Variants in H1-8 observed in about 807,000 individuals in gnomAD.
H1-8 encodes the protein H1.8 linker histone, also known as histone H1.8.
In H1-8, 13 loss-of-function variants were observed where a neutral mutation model predicts 19.5. The ratio of observed to expected loss-of-function variants is 0.67; its 90% CI spans 0.43 to 1.06. The LOEUF (loss-of-function observed/expected upper bound fraction) is 1.06, where lower values mean the gene tolerates loss of function less well. Among genes scored for constraint, H1-8 ranks in the 50% least tolerant of loss-of-function variants. The pLI, the probability that H1-8 is intolerant of heterozygous loss-of-function variation, is 0.00. For synonymous variants in H1-8, 193 were observed against 187.6 expected (o/e 1.03, Z -0.24); for missense variants, 432 against 459.8 (o/e 0.94, Z 0.55).
intron 4 of H1-8, 137 bp from the exon 5 acceptor site, chr3:129,550,970 C>A: frequency 1.0e-6 from 1 of 959,890 alleles, no homozygotes; most frequent in Non-Finnish European, 1.6e-6. Context: ...CCCTGGCACC[C>A]TGGGGGTGTT....
At chr3:129,549,426 G>A (rs1560052554) in intron 3 of H1-8, 62 bp downstream of exon 3, 4 of 1,508,930 alleles carry the variant, frequency 2.7e-6, no homozygotes, top group Non-Finnish European at 2.6e-6. Context: ...ACTGGAGCGG[G>A]GGCGGGGAGC....
Position 129,551,118 on chromosome 3 carries a change from T to C in H1-8, c.819T>C (p.Gly273=), listed in dbSNP as rs3736170. The C allele has an allele frequency of 0.017, 26,898 of 1,613,454 alleles. 1,116 individuals are homozygous for C. Among genetic ancestry groups the C allele is most frequent in the African/African-American group, 0.13 (9,685 of 74,946 alleles). Residue 273 remains glycine (G), a synonymous_variant, in exon 5 of 5, where the codon GGT becomes GGC. Transcript: ENST00000324382. ...TTGCTTTCGTATAGGTCAAGAATGG[T>C]GCTGCTTCCCCGACCAAAAAGAAGG... ...SKPTASKVKN[G]AASPTKKKVV...
chr3:129,551,025 ATGT>A (rs1461117600), intron 4 of H1-8, 79 bp from the exon 5 acceptor site: 1 of 1,255,964 alleles, frequency 8.0e-7, no homozygotes, highest in Non-Finnish European at 1.1e-6. Flanking sequence ...TAGAAGGGCG[ATGT>A]TGTGTACCCA....
chr3:129,548,575 G>A lies in H1-8; in HGVS notation c.379-426G>A, dbSNP rs548320373. On this transcript the variant is annotated intron_variant, in intron 2 of 4. Transcript: ENST00000324382. Reference sequence around the variant, plus strand: ...CCCTTCCCTGCCGCTCACAGCCTTGGTGATTGTCCTGCTGTAAAGATGAGA... The same window carrying A: ...CCCTTCCCTGCCGCTCACAGCCTTGATGATTGTCCTGCTGTAAAGATGAGA... 220 of 848,338 alleles carry A rather than the reference G, an allele frequency of 2.6e-4. 1 individual carries two copies. The Middle Eastern group carries it at 7.1e-3, about 28-fold the overall frequency. The allele number at this position is 848,338 out of a possible 1,614,324, so 52.6% of individuals were successfully genotyped here.
Position 129,551,360 on chromosome 3 carries a change from G to C in H1-8, c.*20G>C. On this transcript the variant is annotated 3_prime_UTR_variant, in exon 5 of 5. Coordinates refer to ENST00000324382, the MANE Select transcript of H1-8 (RefSeq NM_153833.3). ...GCTTAGGGCCAGAGGCAGGGGCGGA[G>C]AGAGACCGAGCCTCTGCCCTAGTTT... 1.3e-6 allele frequency: 2 copies of C among 1,520,558 alleles called. No individual in the cohort carries two copies. The highest frequency in any genetic ancestry group is 1.8e-6 in the Non-Finnish European group (2 of 1,105,388). 94.2% of individuals were successfully genotyped at this position (1,520,558 alleles called of 1,614,324 possible).
At chr3:129,547,810 C>G in intron 2 of H1-8, 130 bp downstream of exon 2, 2 of 839,426 alleles carry the variant, frequency 2.4e-6, no homozygotes, top group Non-Finnish European at 3.6e-6. Flanking sequence ...TGGTCTCAGC[C>G]GAGATGCCCT....
chr3:129,548,282 A>T, intron 2 of H1-8: 2 of 970,546 alleles, frequency 2.1e-6, no homozygotes, highest in Non-Finnish European at 2.4e-6. Flanking sequence ...ATGCTGGGGA[A>T]CATTCTCAGC....
intron 1 of H1-8, among the ~76,000 whole-genome samples, chr3:129,545,788 C>T (rs1408627304): frequency 6.6e-6 from 1 of 152,128 alleles, no homozygotes; most frequent in African/African-American, 2.4e-5. Context: ...TAATATTCCA[C>T]GGGATGGGTA....
chr3:129,547,557 C>A lies in H1-8; in HGVS notation c.255C>A (p.Tyr85Ter), dbSNP rs971410905. 6 of 1,575,648 alleles carry A rather than the reference C, an allele frequency of 3.8e-6. No homozygotes were observed. Among genetic ancestry groups the A allele is most frequent in the Non-Finnish European group, 4.3e-6 (5 of 1,160,714 alleles). Residue 85 changes from tyrosine to a stop codon, truncating the protein, a stop_gained, in exon 2 of 5, where the codon TAC becomes TAA. Transcript: ENST00000324382. LOFTEE classifies it high-confidence loss of function. ...AAIKLYILHK[Y>*]PTVDVLRFKY... ...TCAAGCTCTACATCCTGCACAAGTA[C>A]CCAACAGTGGACGTCCTCCGCTTCA...
At position 129,551,420 on chromosome 3, in the gene H1-8, A is replaced by C; in HGVS notation, c.*80A>C. 6 of 840,088 alleles carry C rather than the reference A, an allele frequency of 7.1e-6. No homozygotes were observed. The highest frequency in any genetic ancestry group is 1.1e-5 in the Non-Finnish European group (6 of 535,214). The allele number at this position is 840,088 out of a possible 1,614,324, so 52.0% of individuals were successfully genotyped here. ...AACTAACCACTGCTCTATTTATTTC[A>C]TTGTAAGCTATTTATCAATAAAGAC... On this transcript the variant is annotated 3_prime_UTR_variant, in exon 5 of 5. Transcript: ENST00000324382.
At position 129,548,401 on chromosome 3, in the gene H1-8, C is replaced by T. The variant is rs1560051925; in HGVS notation, c.379-600C>T. Reference sequence around the variant, plus strand: ...GCCTGGACTTGCGTCACAGCAGGACCAGGCGGCTAAGCAGGGAGAAGAGCC... The same window carrying T: ...GCCTGGACTTGCGTCACAGCAGGACTAGGCGGCTAAGCAGGGAGAAGAGCC... On this transcript the variant is annotated intron_variant, in intron 2 of 4. Transcript: ENST00000324382. 2.6e-5 allele frequency: 26 copies of T among 986,692 alleles called. No homozygotes were observed. The South Asian group carries it at 1.0e-3, about 39-fold the overall frequency. 61.1% of individuals were successfully genotyped at this position (986,692 alleles called of 1,614,324 possible). A position where few individuals can be genotyped will look rare whatever the true frequency, so the allele number is the denominator to read the frequency against.
chr3:129,543,339 C>A, intron 1 of H1-8, 33 bp downstream of exon 1: 6 of 1,527,548 alleles, frequency 3.9e-6, no homozygotes, highest in Non-Finnish European at 5.4e-6. Flanking sequence ...TCCCTCATCC[C>A]TGCGAGCCCA....
chr3:129,543,400 C>T, intron 1 of H1-8, 94 bp downstream of exon 1: 4 of 931,696 alleles, frequency 4.3e-6, no homozygotes, highest in Non-Finnish European at 6.8e-6. Context: ...TCTTTCCCAG[C>T]CTGGCCCCAG....
In H1-8 at chr3:129,551,197, G is replaced by A; in HGVS notation, c.898G>A (p.Ala300Thr). ...TGGGCAGGGGCCAAACACCAAGGCTGCTGCTCCTGCTAAGGGCAGTGGGTC... is the reference window on the plus strand; with the variant it reads ...TGGGCAGGGGCCAAACACCAAGGCTACTGCTCCTGCTAAGGGCAGTGGGTC... ...KAGQGPNTKAAAPAKGSGSKV... is the reference protein window; with the variant it reads ...KAGQGPNTKATAPAKGSGSKV... The change falls in exon 5 of 5, where the codon GCT (alanine) becomes ACT (threonine). Residue 300 changes from alanine to threonine, a missense_variant. Ala to Thr is a moderately conservative substitution (Grantham distance 58, BLOSUM62 0). Transcript: ENST00000324382. The A allele has an allele frequency of 6.2e-7, 1 of 1,614,260 alleles. No homozygotes were observed. Among genetic ancestry groups the A allele is most frequent in the Non-Finnish European group, 8.5e-7 (1 of 1,180,042 alleles).
chr3:129,547,422 C>T lies in H1-8; in HGVS notation c.120C>T (p.Gly40=). Residue 40 remains glycine, a synonymous_variant, in exon 2 of 5, where the codon GGC becomes GGT. Coordinates refer to ENST00000324382, the MANE Select transcript of H1-8 (RefSeq NM_153833.3). ...GCCACGGCGGTGTCCCACCAGGAGG[C>T]CCGAGCCACAGCAGCCTCCCGGTGG... The part of the protein sequence containing the change: ...GPSHGGVPPG[G]PSHSSLPVGR... 1 of 1,525,398 alleles carries T rather than the reference C, an allele frequency of 6.6e-7. No homozygotes were observed. The highest frequency in any genetic ancestry group is 8.8e-7 in the Non-Finnish European group (1 of 1,137,574). The allele number at this position is 1,525,398 out of a possible 1,614,324, so 94.5% of individuals were successfully genotyped here.
rs746578553 is a variant in H1-8 at position 129,547,461 on chromosome 3, C to G, written c.159C>G (p.Pro53=). The part of the protein sequence containing the change: ...HSSLPVGRRH[P]PVLRMVLEAL... The stretch of plus-strand genomic sequence containing the variant: ...GCCTCCCGGTGGGACGCCGCCACCC[C>G]CCGGTGCTACGCATGGTGCTGGAGG... The change falls in exon 2 of 5, where the codon CCC becomes CCG. Residue 53 remains proline, a synonymous_variant. Coordinates refer to ENST00000324382, the MANE Select transcript of H1-8 (RefSeq NM_153833.3). The G allele has an allele frequency of 5.8e-6, 9 of 1,549,434 alleles. 1 individual carries two copies. The highest frequency in any genetic ancestry group is 7.0e-6 in the Non-Finnish European group (8 of 1,146,892).
intron 1 of H1-8, among the ~76,000 whole-genome samples, chr3:129,543,614 G>A (rs1459686309): frequency 1.3e-5 from 2 of 150,742 alleles, no homozygotes; most frequent in Admixed American, 1.3e-4. Context: ...TGGGACCGTA[G>A]CCCGTAGCCA....
intron 2 of H1-8, chr3:129,548,304 C>T (rs775620149): frequency 2.7e-5 from 27 of 985,378 alleles, no homozygotes; most frequent in South Asian, 4.7e-5. Flanking sequence ...TACCCCAAGC[C>T]GGTCCCTGTG....
chr3:129,543,178 A>C lies in H1-8; in HGVS notation c.-41A>C. 6.7e-7 allele frequency: 1 copy of C among 1,498,198 alleles called. No homozygotes were observed. The allele number at this position is 1,498,198 out of a possible 1,614,324, so 92.8% of individuals were successfully genotyped here. ...CCTAGTGGGCAGGCCCAGCAGCCTC[A>C]CACCCGGGTGAGGGGTCTGCTGGCT... On this transcript the variant is annotated 5_prime_UTR_variant, in exon 1 of 5. Transcript: ENST00000324382.
Sources: gnomAD v4.1 joint callset for allele counts (sites outside exome capture counted in the v4.1 genomes callset) on GRCh38, gnomAD v4.1.1 for gene constraint, MANE v1.5 for transcripts, NCBI Gene and HGNC (gene_info 2026-07-23, HGNC 2026-07-21) for gene names.